USP32: variants seen among roughly 807,000 people sequenced by gnomAD.
USP32 encodes ubiquitin specific peptidase 32, also known as ubiquitin carboxyl-terminal hydrolase 32.
Under a neutral mutation model 204.8 loss-of-function variants are expected in USP32, and 59 were observed. The ratio of observed to expected loss-of-function variants is 0.29; its 90% CI spans 0.23 to 0.36. The LOEUF is 0.36. Ranked by LOEUF, USP32 falls within the 10% of genes least tolerant of loss-of-function variation. USP32 has a pLI of 1.00. For missense variants in USP32, 1,160 were observed against 1,946.4 expected, an observed-to-expected ratio of 0.60 and a Z score of 7.60; for synonymous variants, 517 against 678.4, an observed-to-expected ratio of 0.76 and a Z score of 3.70.
At chr17:60,293,741 T>C (rs2087346918) in intron 4 of USP32, among the ~76,000 whole-genome samples, 1 of 152,178 alleles carries the variant, frequency 6.6e-6, no homozygotes, top group Non-Finnish European at 1.5e-5. Flanking sequence ...GGACAATCAA[T>C]GTCTATACAG....
chr17:60,253,268 G>A (rs779673006), intron 10 of USP32, among the ~76,000 whole-genome samples: 3 of 152,106 alleles, frequency 2.0e-5, no homozygotes, highest in Admixed American at 6.5e-5. Flanking sequence ...GAGATAAAGA[G>A]TACACTGAAT....
intron 1 of USP32, among the ~76,000 whole-genome samples, chr17:60,359,828 TAAAG>T (rs2089163534): frequency 6.6e-6 from 1 of 151,630 alleles, no homozygotes; most frequent in Non-Finnish European, 1.5e-5. Flanking sequence ...AATAGATAAA[TAAAG>T]AGTTCATAGA....
chr17:60,242,815 A>G (rs2085914459), intron 11 of USP32, among the ~76,000 whole-genome samples: 1 of 152,284 alleles, frequency 6.6e-6, no homozygotes, highest in African/African-American at 2.4e-5. Flanking sequence ...CAGGAAGTCT[A>G]AGTCTTCTGT....
intron 5 of USP32, among the ~76,000 whole-genome samples, chr17:60,278,864 GATTAAAACTAATCA>G (rs1319098766): frequency 3.9e-5 from 6 of 152,068 alleles, no homozygotes. Flanking sequence ...GTGAAAGTCT[GATTAAAACTAATCA>G]ATTAAAACTA....
chr17:60,220,940 G>A (rs867677475), intron 15 of USP32, among the ~76,000 whole-genome samples: 15 of 152,080 alleles, frequency 9.9e-5, no homozygotes, highest in South Asian at 8.3e-4. Context: ...GAGCCACCGC[G>A]CCCAGCCAAC....
At chr17:60,223,717 A>C (rs2085314654) in intron 13 of USP32, 131 bp from the exon 14 acceptor site, 1 of 708,346 alleles carries the variant, frequency 1.4e-6, no homozygotes, top group Non-Finnish European at 2.2e-6. Flanking sequence ...GATTCTGGTA[A>C]TTCTGTAGAA....
At chr17:60,314,643 G>A (rs2087931329) in intron 2 of USP32, among the ~76,000 whole-genome samples, 1 of 152,202 alleles carries the variant, frequency 6.6e-6, no homozygotes. Flanking sequence ...TGTACTTAGA[G>A]ACAAAGAAAA....
chr17:60,265,473 T>C lies in USP32; in HGVS notation c.929A>G (p.Glu310Gly), dbSNP rs1318672855. The C allele has an allele frequency of 6.3e-7, 1 of 1,593,780 alleles. No individual in the cohort carries two copies. The highest frequency in any genetic ancestry group is 1.3e-5 in the African/African-American group (1 of 74,414). The change falls in exon 9 of 34, where the codon GAA becomes GGA. Residue 310 changes from glutamate to glycine, a missense_variant and splice_region_variant. Transcript: ENST00000300896. ...WKDNRTDDIP[E>G]LHMDLSDIVE... ...AATATCAGAGAGATCCATATGTAAT[T>C]CCTTTAAAAATAACCCAAAGGAGTA...
At chr17:60,351,127 A>AG (rs1204637411) in intron 1 of USP32, among the ~76,000 whole-genome samples, 8 of 152,244 alleles carry the variant, frequency 5.3e-5, no homozygotes, top group African/African-American at 1.9e-4. Flanking sequence ...CACAAAAGTC[A>AG]GGGGGGTAAA....
intron 13 of USP32, among the ~76,000 whole-genome samples, chr17:60,225,414 G>A (rs2085357751): frequency 6.6e-6 from 1 of 152,134 alleles, no homozygotes; most frequent in African/African-American, 2.4e-5. Context: ...CCGTGATTAT[G>A]CCACTGTACT....
chr17:60,312,308 G>A (rs3887232), intron 2 of USP32, among the ~76,000 whole-genome samples: 1 of 152,208 alleles, frequency 6.6e-6, no homozygotes, highest in Non-Finnish European at 1.5e-5. Context: ...GTAAACTCTA[G>A]TACACCAATC....
intron 1 of USP32, among the ~76,000 whole-genome samples, chr17:60,369,828 C>G (rs542272174): frequency 6.6e-6 from 1 of 152,074 alleles, no homozygotes; most frequent in East Asian, 1.9e-4. Flanking sequence ...GACTTGAACT[C>G]CCTGGCTCAA....
intron 1 of USP32, among the ~76,000 whole-genome samples, chr17:60,411,811 G>A (rs2090021215): frequency 6.6e-6 from 1 of 152,060 alleles, no homozygotes; most frequent in Non-Finnish European, 1.5e-5. Flanking sequence ...TAGTATATAT[G>A]AGGATTTCAT....
intron 12 of USP32, chr17:60,231,642 A>G: frequency 2.0e-6 from 1 of 499,598 alleles, no homozygotes; most frequent in Non-Finnish European, 4.0e-6. Flanking sequence ...CATGGGAGAG[A>G]GGCACGAAAG....
chr17:60,231,732 C>A, intron 12 of USP32: 1 of 354,772 alleles, frequency 2.8e-6, no homozygotes, highest in Non-Finnish European at 5.9e-6. Context: ...AATAGCTGCT[C>A]CTTCATAGTT....
chr17:60,237,639 T>C (rs1488298866), intron 11 of USP32, among the ~76,000 whole-genome samples: 3 of 152,200 alleles, frequency 2.0e-5, no homozygotes, highest in Non-Finnish European at 4.4e-5. Flanking sequence ...TCTGGACCTA[T>C]TGACTTGCCT....
intron 1 of USP32, among the ~76,000 whole-genome samples, chr17:60,369,755 T>G (rs181287061): frequency 6.6e-6 from 1 of 152,280 alleles, no homozygotes; most frequent in East Asian, 1.9e-4. Flanking sequence ...ACAATGATTT[T>G]TTTTTAAGAG....
chr17:60,320,221 C>G (rs1173685254), intron 2 of USP32, among the ~76,000 whole-genome samples: 1 of 152,114 alleles, frequency 6.6e-6, no homozygotes, highest in Non-Finnish European at 1.5e-5. Context: ...TTGATATAAA[C>G]AAGAGTCAAG....
chr17:60,283,455 A>G (rs1258552427), intron 5 of USP32, among the ~76,000 whole-genome samples: 1 of 152,244 alleles, frequency 6.6e-6, no homozygotes, highest in Non-Finnish European at 1.5e-5. Flanking sequence ...ATTGTCCTTC[A>G]TCCTTTCGTA....
Sources: gnomAD v4.1 joint callset for allele counts (sites outside exome capture counted in the v4.1 genomes callset) on GRCh38, gnomAD v4.1.1 for gene constraint, MANE v1.5 for transcripts, NCBI Gene and HGNC (gene_info 2026-07-23, HGNC 2026-07-21) for gene names.